Variants in OSBPL10 observed in about 807,000 individuals in gnomAD.
OSBPL10 encodes the protein oxysterol binding protein like 10.
In OSBPL10, 49 loss-of-function variants were observed where a neutral mutation model predicts 81.7. That is an observed-to-expected ratio of 0.60 (90% CI 0.48 to 0.76). The LOEUF (loss-of-function observed/expected upper bound fraction) is 0.76, where lower values mean the gene tolerates loss of function less well. OSBPL10 is among the 30% of genes least tolerant of loss of function. The pLI, the probability that OSBPL10 is intolerant of heterozygous loss-of-function variation, is 0.00. For missense variants in OSBPL10, 923 were observed against 987.8 expected (o/e 0.93, Z 0.88); for synonymous variants, 419 against 383.6 (o/e 1.09, Z -1.08).
At chr3:32,026,057 TGATA>T (rs11385805) in intron 2 of OSBPL10, among the ~76,000 whole-genome samples, 1,429 of 111,254 alleles carry the variant, frequency 0.013, 16 homozygotes, top group Non-Finnish European at 0.016. Flanking sequence ...GATAGATAGA[TGATA>T]GATAGATAGA....
In OSBPL10 at chr3:32,052,711, C is replaced by T. The variant is rs529416218; in HGVS notation, n.186-6108G>A. 3.3e-5 allele frequency among the ~76,000 whole-genome samples: 5 copies of T among 152,210 alleles called. No individual in the cohort carries two copies. The South Asian group carries it at 1.0e-3, about 32-fold the overall frequency. ...AGCAAACTAACACAGGAACAGAAAA[C>T]CAAACACTGCATGTTCTCACTTACA... On this transcript the variant is annotated intron_variant and non_coding_transcript_variant, in intron 1 of 3. Transcript: ENST00000479173.
chr3:31,858,829 CT>C (rs1559494756), intron 3 of OSBPL10, among the ~76,000 whole-genome samples: 1 of 152,126 alleles, frequency 6.6e-6, no homozygotes, highest in Non-Finnish European at 1.5e-5. Flanking sequence ...TCTATCAAAA[CT>C]TTTAGGGGGA....
At chr3:31,966,315 T>C (rs146265210) in intron 1 of OSBPL10, among the ~76,000 whole-genome samples, 53 of 151,624 alleles carry the variant, frequency 3.5e-4, no homozygotes, top group African/African-American at 1.1e-3. Context: ...ACTAAAGCAA[T>C]GGTTAGAGGG....
At chr3:31,663,915 C>A in intron 11 of OSBPL10, 164 bp downstream of exon 11, 1 of 1,528,122 alleles carries the variant, frequency 6.5e-7, no homozygotes, top group East Asian at 2.3e-5. Context: ...AAAACCTGTC[C>A]TGAAGCCTTG....
chr3:31,705,920 G>C (rs980894124), intron 6 of OSBPL10, among the ~76,000 whole-genome samples: 2 of 152,134 alleles, frequency 1.3e-5, no homozygotes, highest in Non-Finnish European at 2.9e-5. Flanking sequence ...TTAAGCAGAA[G>C]AATCTTCAGA....
At chr3:31,980,347 G>T (rs1206432026) in intron 1 of OSBPL10, among the ~76,000 whole-genome samples, 1 of 152,220 alleles carries the variant, frequency 6.6e-6, no homozygotes, top group African/African-American at 2.4e-5. Context: ...ATCGGAGGCT[G>T]CAAGGCACAA....
intron 1 of OSBPL10, among the ~76,000 whole-genome samples, chr3:31,980,479 G>C (rs1169068782): frequency 6.6e-6 from 1 of 152,198 alleles, no homozygotes; most frequent in African/African-American, 2.4e-5. Context: ...TACTGTAATC[G>C]GAGCGGACGT....
chr3:31,661,191 A>G lies in OSBPL10; in HGVS notation c.*881T>C, dbSNP rs1437807771. ...TTGAGGAAAAAATAATCCACAGGAA[A>G]TTCTCTTCTCTTTCCCCAAACTAAA... On this transcript the variant is annotated 3_prime_UTR_variant, in exon 12 of 12. Transcript: ENST00000396556. 6.6e-6 allele frequency: 1 copy of G among 152,584 alleles called. No homozygotes were observed. The highest frequency in any genetic ancestry group is 1.9e-4 in the East Asian group (1 of 5,192). 9.5% of individuals were successfully genotyped at this position (152,584 alleles called of 1,614,324 possible).
chr3:31,799,499 AT>A (rs1699323808), intron 4 of OSBPL10, among the ~76,000 whole-genome samples: 1 of 151,136 alleles, frequency 6.6e-6, no homozygotes. Flanking sequence ...TGGGCAAGTT[AT>A]TTAACCTCTC....
intron 2 of OSBPL10, among the ~76,000 whole-genome samples, chr3:32,035,904 T>C (rs987278621): frequency 3.9e-5 from 6 of 152,170 alleles, no homozygotes; most frequent in African/African-American, 1.2e-4. Context: ...CAGAACTGTT[T>C]TCATCTTCCC....
At chr3:31,802,476 G>A (rs1230695148) in intron 4 of OSBPL10, among the ~76,000 whole-genome samples, 4 of 141,484 alleles carry the variant, frequency 2.8e-5, no homozygotes, top group Admixed American at 7.7e-5. Context: ...TGAGGCAGGA[G>A]AATCACTTGA....
chr3:32,071,754 C>T (rs547598306), intron 1 of OSBPL10, among the ~76,000 whole-genome samples: 1 of 152,362 alleles, frequency 6.6e-6, no homozygotes, highest in South Asian at 2.1e-4. Flanking sequence ...GCTGTACTCA[C>T]TCTTTGTTGT....
intron 1 of OSBPL10, among the ~76,000 whole-genome samples, chr3:31,945,563 C>T (rs1697675990): frequency 6.6e-6 from 1 of 152,182 alleles, no homozygotes; most frequent in Admixed American, 6.5e-5. Context: ...TCTCTAGTTT[C>T]TCTTGCAATA....
At chr3:31,942,803 A>C (rs1252910025) in intron 1 of OSBPL10, among the ~76,000 whole-genome samples, 1 of 152,232 alleles carries the variant, frequency 6.6e-6, no homozygotes, top group East Asian at 1.9e-4. Context: ...ATTAGCTAAC[A>C]CAGTTTTGAC....
At chr3:31,840,577 T>TA (rs1700467216) in intron 3 of OSBPL10, among the ~76,000 whole-genome samples, 1 of 152,236 alleles carries the variant, frequency 6.6e-6, no homozygotes, top group Admixed American at 6.5e-5. Context: ...CAAGATTTGC[T>TA]AATAACACAG....
At chr3:31,916,994 A>G (rs537205031) in intron 1 of OSBPL10, among the ~76,000 whole-genome samples, 241 of 152,254 alleles carry the variant, frequency 1.6e-3, no homozygotes, top group African/African-American at 5.5e-3. Flanking sequence ...AATCGATTTC[A>G]AGCCTCTCCA....
At chr3:31,944,296 C>T (rs1300425430) in intron 1 of OSBPL10, among the ~76,000 whole-genome samples, 2 of 152,040 alleles carry the variant, frequency 1.3e-5, no homozygotes, top group Non-Finnish European at 2.9e-5. Flanking sequence ...CAAAAATAAG[C>T]AGCTTTTTTA....
chr3:31,726,301 G>A (rs1398123508), intron 6 of OSBPL10, among the ~76,000 whole-genome samples: 2 of 150,016 alleles, frequency 1.3e-5, no homozygotes, highest in African/African-American at 5.1e-5. Context: ...AACAAAAAGT[G>A]TCTTTTTAAT....
intron 2 of OSBPL10, chr3:31,991,103 GTTGAC>G: frequency 1.1e-6 from 1 of 951,326 alleles, no homozygotes; most frequent in East Asian, 2.5e-5. Context: ...TTGAGTTTCA[GTTGAC>G]TTGACATTGA....
Sources: gnomAD v4.1 joint callset for allele counts (sites outside exome capture counted in the v4.1 genomes callset) on GRCh38, gnomAD v4.1.1 for gene constraint, MANE v1.5 for transcripts, NCBI Gene and HGNC (gene_info 2026-07-23, HGNC 2026-07-21) for gene names.